STMN1: variants seen among roughly 807,000 people sequenced by gnomAD.
The protein encoded by STMN1 is stathmin.
A neutral mutation model predicts 19.7 loss-of-function variants in STMN1; 3 were observed. The ratio of observed to expected loss-of-function variants is 0.15; its 90% CI spans 0.07 to 0.39. STMN1 has a LOEUF of 0.39. Among genes scored for constraint, STMN1 ranks in the 10% least tolerant of loss-of-function variants. The pLI, the probability that STMN1 is intolerant of heterozygous loss-of-function variation, is 1.00. For missense variants in STMN1, 99 were observed against 176.0 expected (o/e 0.56, Z 2.48); for synonymous variants, 59 against 58.9 (o/e 1.00, Z -0.01).
intron 4 of STMN1, among the ~76,000 whole-genome samples, chr1:25,888,009 T>G (rs1037653246): frequency 1.6e-4 from 25 of 152,186 alleles, no homozygotes; most frequent in East Asian, 5.8e-4. Context: ...TGTTGTTGTT[T>G]TTTAAAGAGG....
intron 4 of STMN1, 49 bp from the exon 5 acceptor site, chr1:25,901,136 A>G: frequency 6.4e-7 from 1 of 1,573,944 alleles, no homozygotes; most frequent in Non-Finnish European, 8.6e-7. Flanking sequence ...AAAAAAAAAA[A>G]AAAGCCTGTC....
At chr1:25,890,469 T>G (rs1266753408) in intron 4 of STMN1, among the ~76,000 whole-genome samples, 1 of 152,236 alleles carries the variant, frequency 6.6e-6, no homozygotes, top group African/African-American at 2.4e-5. Context: ...GGAATTTATC[T>G]TAAACAGGCT....
intron 4 of STMN1, among the ~76,000 whole-genome samples, chr1:25,891,618 C>A (rs1270396882): frequency 1.3e-5 from 2 of 152,180 alleles, no homozygotes; most frequent in Non-Finnish European, 2.9e-5. Context: ...CCAACCCCTT[C>A]GTTTTACAAA....
intron 4 of STMN1, among the ~76,000 whole-genome samples, chr1:25,886,583 T>C (rs1362355613): frequency 6.8e-6 from 1 of 147,282 alleles, no homozygotes; most frequent in Non-Finnish European, 1.5e-5. Flanking sequence ...CCACCACTTT[T>C]TTTTTTTTTT....
intron 4 of STMN1, among the ~76,000 whole-genome samples, chr1:25,888,594 A>G (rs529175291): frequency 6.6e-6 from 1 of 151,978 alleles, no homozygotes; most frequent in Non-Finnish European, 1.5e-5. Context: ...ACTCAACATG[A>G]CTCCATCAGC....
intron 4 of STMN1, among the ~76,000 whole-genome samples, chr1:25,890,840 A>G (rs1284120293): frequency 1.3e-5 from 2 of 152,152 alleles, no homozygotes; most frequent in Non-Finnish European, 2.9e-5. Context: ...GAGCACAGGC[A>G]CTGCCATATT....
intron 4 of STMN1, among the ~76,000 whole-genome samples, chr1:25,886,550 T>C (rs1218610191): frequency 1.3e-5 from 2 of 149,884 alleles, no homozygotes; most frequent in South Asian, 2.1e-4. Context: ...CTCCATGTGC[T>C]GCTCCCTTTG....
chr1:25,899,541 C>CT (rs1442548451), downstream of STMN1, among the ~76,000 whole-genome samples: 4 of 152,208 alleles, frequency 2.6e-5, no homozygotes, highest in Admixed American at 1.3e-4. Context: ...TCTGATTGAT[C>CT]ATTTAAGTAA....
At chr1:25,894,504 A>C (rs2048802151) in intron 4 of STMN1, among the ~76,000 whole-genome samples, 1 of 152,124 alleles carries the variant, frequency 6.6e-6, no homozygotes, top group African/African-American at 2.4e-5. Flanking sequence ...ACATGGTGAA[A>C]TCTTGTCTCT....
At chr1:25,904,491 AC>A (rs2048914493) in intron 2 of STMN1, among the ~76,000 whole-genome samples, 172 bp downstream of exon 2, 1 of 152,256 alleles carries the variant, frequency 6.6e-6, no homozygotes, top group Non-Finnish European at 1.5e-5. Flanking sequence ...ATAAACAATT[AC>A]GAGCTCTCGG....
intron 4 of STMN1, among the ~76,000 whole-genome samples, chr1:25,886,793 G>A (rs905961237): frequency 2.0e-5 from 3 of 151,894 alleles, no homozygotes; most frequent in African/African-American, 7.3e-5. Context: ...GTTTCACCAT[G>A]GACAGGATCG....
intron 4 of STMN1, among the ~76,000 whole-genome samples, chr1:25,887,059 T>C (rs159526): frequency 0.81 from 123,069 of 152,014 alleles, 50,467 homozygotes; most frequent in African/African-American, 0.94. Flanking sequence ...AGACCCATTA[T>C]ACTGTGACAC....
chr1:25,897,706 C>T (rs72881372), downstream of STMN1, among the ~76,000 whole-genome samples: 1,881 of 152,228 alleles, frequency 0.012, 40 homozygotes, highest in African/African-American at 0.043. Flanking sequence ...TCAGAGCAGC[C>T]CCCCTTCCTG....
chr1:25,894,661 CA>C (rs564974305), intron 4 of STMN1, among the ~76,000 whole-genome samples: 459 of 152,264 alleles, frequency 3.0e-3, no homozygotes, highest in Middle Eastern at 0.014. Flanking sequence ...GCCTGGGTGA[CA>C]AAGAGAGAGA....
chr1:25,901,117 CAAAAAAA>C (rs58316569), intron 4 of STMN1, 30 bp from the exon 5 acceptor site: 903 of 1,202,930 alleles, frequency 7.5e-4, no homozygotes, highest in Admixed American at 2.8e-3. Context: ...TGTCATCAGT[CAAAAAAA>C]AAAAAAAAAA....
chr1:25,899,482 T>G (rs2124244565), downstream of STMN1, among the ~76,000 whole-genome samples: 1 of 152,340 alleles, frequency 6.6e-6, no homozygotes, highest in Non-Finnish European at 1.5e-5. Flanking sequence ...TTGCTCCTAT[T>G]TGCCCTACAT....
chr1:25,889,015 G>A (rs968111587), intron 4 of STMN1: 13 of 489,412 alleles, frequency 2.7e-5, no homozygotes, highest in Admixed American at 9.5e-5. Flanking sequence ...AAGCAAAATC[G>A]TTCCATTCTC....
chr1:25,904,521 A>G, intron 2 of STMN1, 143 bp downstream of exon 2: 1 of 712,542 alleles, frequency 1.4e-6, no homozygotes, highest in South Asian at 1.9e-5. Context: ...AGTGATAATC[A>G]TTTTTAAATT....
downstream of STMN1, among the ~76,000 whole-genome samples, chr1:25,898,057 C>T (rs1466620489): frequency 6.6e-6 from 1 of 152,156 alleles, no homozygotes; most frequent in Non-Finnish European, 1.5e-5. Flanking sequence ...AGTCAACTCA[C>T]CCTGCCTCCA....
Sources: allele counts gnomAD v4.1 joint callset (sites outside exome capture counted in the v4.1 genomes callset), GRCh38; gene constraint gnomAD v4.1.1; transcripts MANE v1.5; gene names NCBI Gene and HGNC (gene_info 2026-07-23, HGNC 2026-07-21).